Variants in ZZEF1 observed in about 807,000 individuals in gnomAD.
ZZEF1 encodes the protein zinc finger ZZ-type and EF-hand domain-containing protein 1.
A neutral mutation model predicts 342.8 loss-of-function variants in ZZEF1; 157 were observed. The observed-to-expected ratio is 0.46, with a 90% CI of 0.40 to 0.52. The LOEUF (loss-of-function observed/expected upper bound fraction) is 0.52, where lower values mean the gene tolerates loss of function less well. ZZEF1 is among the 20% of genes least tolerant of loss of function. The pLI is 0.00. For missense variants in ZZEF1, 3,480 were observed against 3,725.6 expected (o/e 0.93, Z 1.72); for synonymous variants, 1,505 against 1,429.1 (o/e 1.05, Z -1.20).
At chr17:4,065,684 C>T (rs949270351) in intron 28 of ZZEF1, among the ~76,000 whole-genome samples, 1 of 152,158 alleles carries the variant, frequency 6.6e-6, no homozygotes, top group Non-Finnish European at 1.5e-5. Flanking sequence ...GGATTACTTC[C>T]ACACACATTC....
chr17:4,016,361 C>G lies in ZZEF1; in HGVS notation c.8107G>C (p.Glu2703Gln). 1 of 1,614,166 alleles carries G rather than the reference C, an allele frequency of 6.2e-7. No homozygotes were observed. The highest frequency in any genetic ancestry group is 8.5e-7 in the Non-Finnish European group (1 of 1,180,020). ...EEPGMEVQVR[E>Q]SKHPYNNNTN... is the part of the protein sequence containing the mutation. The stretch of plus-strand genomic sequence containing the variant: ...TTGTTGTTATACGGGTGTTTCGACT[C>G]CCTCACTTGCACCTCCATTCCTGGC... Residue 2703 changes from glutamate to glutamine, a missense_variant, in exon 49 of 55, where the codon GAG (glutamate) becomes CAG (glutamine). Around this residue, in one of 5 missense-constraint regions of ZZEF1, gnomAD observed 1,269 missense variants for 1,342.4 expected, o/e 0.95. Coordinates refer to ENST00000381638, the MANE Select transcript of ZZEF1 (RefSeq NM_015113.4). This position sits in a 1 kb window ranked among gnomAD's most constrained non-coding sequence, Gnocchi z 4.4.
At chr17:4,055,027 G>C (rs1284791436) in intron 33 of ZZEF1, among the ~76,000 whole-genome samples, 1 of 152,190 alleles carries the variant, frequency 6.6e-6, no homozygotes, top group East Asian at 1.9e-4. Context: ...ACAGATACAG[G>C]AAACACTGCA....
chr17:4,062,327 A>G lies in ZZEF1; in HGVS notation c.4883+426T>C, dbSNP rs563237603. Among the ~76,000 whole-genome samples the G allele has an allele frequency of 2.2e-4, 34 of 151,494 alleles. 1 individual carries two copies. The South Asian group carries it at 7.0e-3, about 31-fold the overall frequency. Reference sequence around the variant, plus strand: ...CTCTCTCTCCTCAATATAATATAAAATCTGCCTTGTCTACTGCTGCATAAC... The same window carrying G: ...CTCTCTCTCCTCAATATAATATAAAGTCTGCCTTGTCTACTGCTGCATAAC... On this transcript the variant is annotated intron_variant, in intron 30 of 54. Transcript: ENST00000381638.
intron 6 of ZZEF1, among the ~76,000 whole-genome samples, chr17:4,107,789 AATC>A (rs1353558042): frequency 7.2e-5 from 11 of 152,206 alleles, no homozygotes; most frequent in Non-Finnish European, 1.5e-4. Flanking sequence ...TCATGCCTGT[AATC>A]TCTGCACTTT....
At chr17:4,059,630 G>A (rs990863481) in intron 30 of ZZEF1, among the ~76,000 whole-genome samples, 2 of 151,916 alleles carry the variant, frequency 1.3e-5, no homozygotes, top group Non-Finnish European at 2.9e-5. Context: ...ACACAATCAC[G>A]CTCACCCCTC....
At chr17:4,066,842 G>A (rs2057409667) in intron 27 of ZZEF1, among the ~76,000 whole-genome samples, 1 of 59,104 alleles carries the variant, frequency 1.7e-5, no homozygotes, top group Non-Finnish European at 3.1e-5. Flanking sequence ...AAATTTCAGA[G>A]GGGACATCTC....
chr17:4,071,643 A>T (rs1395603559), intron 25 of ZZEF1, among the ~76,000 whole-genome samples: 1 of 152,208 alleles, frequency 6.6e-6, no homozygotes, highest in Non-Finnish European at 1.5e-5. Context: ...CTGACTGGAC[A>T]GGAATGGGGA....
intron 13 of ZZEF1, among the ~76,000 whole-genome samples, 196 bp from the exon 14 acceptor site, chr17:4,087,730 A>G (rs962353396): frequency 2.6e-5 from 4 of 151,800 alleles, no homozygotes; most frequent in African/African-American, 4.8e-5. Context: ...TCTAAAATAT[A>G]TGTGTGTGTT....
In ZZEF1 at chr17:4,064,328, G is replaced by C. The variant is rs773480596; in HGVS notation, c.4718+33C>G. 4.6e-6 allele frequency: 7 copies of C among 1,525,208 alleles called. No homozygotes were observed. The Admixed American group carries it at 1.4e-4, about 30-fold the overall frequency. 94.5% of individuals were successfully genotyped at this position (1,525,208 alleles called of 1,614,324 possible). A position where few individuals can be genotyped will look rare whatever the true frequency, so the allele number is the denominator to read the frequency against. Reference sequence around the variant, plus strand: ...AGACTGGGTACCTACGGCTTAAAAAGAGAAAGCGACAGGAAGGTAACAACG... The same window carrying C: ...AGACTGGGTACCTACGGCTTAAAAACAGAAAGCGACAGGAAGGTAACAACG... On this transcript the variant is annotated intron_variant, in intron 29 of 54. Coordinates refer to ENST00000381638, the MANE Select transcript of ZZEF1 (RefSeq NM_015113.4).
chr17:4,064,423 C>A lies in ZZEF1; in HGVS notation c.4656G>T (p.Glu1552Asp). The A allele has an allele frequency of 6.2e-7, 1 of 1,613,880 alleles. No individual in the cohort carries two copies. The highest frequency in any genetic ancestry group is 8.5e-7 in the Non-Finnish European group (1 of 1,179,776). ...TGACGTCCTTCAGCACAGGGTATTT[C>A]TCTTTCACTGTGGGCACCAGTCTGG... ...EEARLVPTVKEKYPVLKDVMD... is the reference protein window; with the variant it reads ...EEARLVPTVKDKYPVLKDVMD... The change falls in exon 29 of 55, where the codon GAG (glutamate) becomes GAT (aspartate). Residue 1552 changes from glutamate (E) to aspartate (D), a missense_variant. By Grantham distance (45) the Glu-to-Asp change is conservative (BLOSUM62 2). This residue lies in a region of ZZEF1 where 1,528 missense variants were observed against 1,624.1 expected (regional missense o/e 0.94). Coordinates refer to ENST00000381638, the MANE Select transcript of ZZEF1 (RefSeq NM_015113.4).
At chr17:4,134,025 A>AT (rs1456355242) in intron 1 of ZZEF1, among the ~76,000 whole-genome samples, 1 of 152,188 alleles carries the variant, frequency 6.6e-6, no homozygotes, top group Non-Finnish European at 1.5e-5. Context: ...TTTTTAATAG[A>AT]TTCTATTGAT....
chr17:4,107,741 G>A (rs1190711021), intron 6 of ZZEF1, among the ~76,000 whole-genome samples: 2 of 152,192 alleles, frequency 1.3e-5, no homozygotes, highest in African/African-American at 2.4e-5. Context: ...TATCAGAGAA[G>A]GCAGTCACAA....
Position 4,081,412 on chromosome 17 carries a change from C to T in ZZEF1, c.2793G>A (p.Ala931=), listed in dbSNP as rs756310588. The stretch of plus-strand genomic sequence containing the variant: ...CAACAGAGACGAGAGTGTCCATGAC[C>T]GCCAGGACTTCACTGATGTTCATCT... The part of the protein sequence containing the change: ...LAKMNISEVL[A]VMDTLVSVAA... Residue 931 remains alanine (A), a synonymous_variant, in exon 18 of 55, where the codon GCG becomes GCA. Coordinates refer to ENST00000381638, the MANE Select transcript of ZZEF1 (RefSeq NM_015113.4). 15 of 1,613,730 alleles carry T rather than the reference C, an allele frequency of 9.3e-6. No individual in the cohort carries two copies. Among genetic ancestry groups the T allele is most frequent in the South Asian group, 3.3e-5 (3 of 91,066 alleles).
At chr17:4,050,757 G>A (rs2057026435) in intron 36 of ZZEF1, 24 bp downstream of exon 36, 1 of 1,612,122 alleles carries the variant, frequency 6.2e-7, no homozygotes, top group African/African-American at 1.3e-5. Flanking sequence ...GGCTGGTTTT[G>A]GTTTCTGTGC....
Position 4,017,717 on chromosome 17 carries a change from C to T in ZZEF1, c.7655G>A (p.Arg2552His), listed in dbSNP as rs1170636274. 6.8e-6 allele frequency: 11 copies of T among 1,612,204 alleles called. No individual in the cohort carries two copies. The highest frequency in any genetic ancestry group is 1.7e-4 in the Middle Eastern group (1 of 6,060). The change falls in exon 48 of 55, where the codon CGC becomes CAC. Residue 2552 changes from arginine (R) to histidine (H), a missense_variant. Arg to His is a conservative substitution (Grantham distance 29, BLOSUM62 0). Around this residue, in one of 5 missense-constraint regions of ZZEF1, gnomAD observed 1,269 missense variants for 1,342.4 expected, o/e 0.95. Transcript: ENST00000381638. This position sits in a 1 kb window ranked among gnomAD's most constrained non-coding sequence, Gnocchi z 5.1. ...IILPCLSRPA[R>H]CDQATAESNP... ...CGATTCAGCAGTGGCTTGGTCACAG[C>T]GTGCAGGCCGGGACTGCAAACCCAA...
intron 24 of ZZEF1, 42 bp from the exon 25 acceptor site, chr17:4,072,798 T>A (rs911525067): frequency 2.0e-6 from 3 of 1,534,876 alleles, no homozygotes; most frequent in Non-Finnish European, 2.6e-6. Context: ...ATTTTTGCCT[T>A]AATATATTGA....
Position 4,116,968 on chromosome 17 carries a change from A to G in ZZEF1, c.694+4T>C, listed in dbSNP as rs371897832. 2.2e-5 allele frequency: 36 copies of G among 1,600,020 alleles called. No individual in the cohort carries two copies. In the African/African-American group the frequency reaches 2.4e-4, roughly 11 times the overall value. ...TTTTCAGGAGAACCCCCACACACACATACCCTTTTCCTTTTGTACCAGCTG... is the reference window on the plus strand; with the variant it reads ...TTTTCAGGAGAACCCCCACACACACGTACCCTTTTCCTTTTGTACCAGCTG... On this transcript the variant is annotated splice_donor_region_variant and intron_variant, in intron 3 of 54. Transcript: ENST00000381638.
rs1472597107 is a variant in ZZEF1 at position 4,081,403 on chromosome 17, G to A, written c.2802C>T (p.Asp934=). ...CTCGAGCAGCAACAGAGACGAGAGT[G>A]TCCATGACCGCCAGGACTTCACTGA... ...MNISEVLAVM[D]TLVSVAAREC... Residue 934 remains aspartate, a synonymous_variant, in exon 18 of 55, where the codon GAC becomes GAT. Coordinates refer to ENST00000381638, the MANE Select transcript of ZZEF1 (RefSeq NM_015113.4). The A allele has an allele frequency of 1.9e-6, 3 of 1,613,682 alleles. No individual in the cohort carries two copies. The East Asian group carries it at 6.7e-5, about 36-fold the overall frequency.
intron 1 of ZZEF1, among the ~76,000 whole-genome samples, chr17:4,131,128 CTACT>C (rs1283617053): frequency 1.4e-3 from 215 of 152,156 alleles, no homozygotes; most frequent in Non-Finnish European, 2.5e-3. Context: ...TTTCAGAAAG[CTACT>C]AGAGGATGCA....
Sources: gnomAD v4.1 joint callset for allele counts (sites outside exome capture counted in the v4.1 genomes callset) on GRCh38, gnomAD v4.1.1 for gene constraint, gnomAD v4.1.1 regional missense constraint, Gnocchi (gnomAD v3.1) non-coding constraint, MANE v1.5 for transcripts, NCBI Gene and HGNC (gene_info 2026-07-23, HGNC 2026-07-21) for gene names.